Variants in BUB1B observed in about 807,000 individuals in gnomAD.
BUB1B encodes the protein BUB1 mitotic checkpoint serine/threonine kinase B.
A neutral mutation model predicts 137.7 loss-of-function variants in BUB1B; 86 were observed. The ratio of observed to expected loss-of-function variants is 0.62; its 90% CI spans 0.52 to 0.75. BUB1B has a LOEUF of 0.75. Among genes scored for constraint, BUB1B ranks in the 30% least tolerant of loss-of-function variants. The probability of loss-of-function intolerance (pLI) is 0.00; values close to 1 mark genes in which losing one functional copy is unlikely to be tolerated. For synonymous variants in BUB1B, 420 were observed against 417.9 expected, an observed-to-expected ratio of 1.00 and a Z score of -0.06; for missense variants, 1,130 against 1,236.9, an observed-to-expected ratio of 0.91 and a Z score of 1.30.
At chr15:40,205,839 T>C (rs1366845979) in intron 14 of BUB1B, among the ~76,000 whole-genome samples, 1 of 152,188 alleles carries the variant, frequency 6.6e-6, no homozygotes, top group African/African-American at 2.4e-5. Flanking sequence ...GTATGTAGCA[T>C]AGAGGAAGAA....
At position 40,161,220 on chromosome 15, in the gene BUB1B, G is replaced by A. The variant is rs1326000537; in HGVS notation, c.-1G>A. 1 of 1,613,574 alleles carries A rather than the reference G, an allele frequency of 6.2e-7. No individual in the cohort carries two copies. ...ACGAGGACCTGAGCCAGGAATGCAGGATGGCGGCGGTGAAGAAGGAAGGGG... is the reference window on the plus strand; with the variant it reads ...ACGAGGACCTGAGCCAGGAATGCAGAATGGCGGCGGTGAAGAAGGAAGGGG... On this transcript the variant is annotated 5_prime_UTR_variant, in exon 1 of 23. Transcript: ENST00000287598.
rs777968728 is a variant in BUB1B, at chr15:40,202,427, T to C, written c.1590T>C (p.Ile530=). 4 of 1,611,982 alleles carry C rather than the reference T, an allele frequency of 2.5e-6. No individual in the cohort carries two copies. Among genetic ancestry groups the C allele is most frequent in the Non-Finnish European group, 3.4e-6 (4 of 1,179,354 alleles). Residue 530 remains isoleucine (I), a synonymous_variant, in exon 13 of 23, where the codon ATT becomes ATC. Transcript: ENST00000287598. ...HSKGPSVPFS[I]FDEFLLSEKK... Reference sequence around the variant, plus strand: ...TAGGTCCCAGTGTACCTTTCTCCATTTTTGATGAGTTTCTTCTTTCAGAAA... The same window carrying C: ...TAGGTCCCAGTGTACCTTTCTCCATCTTTGATGAGTTTCTTCTTTCAGAAA...
intron 15 of BUB1B, among the ~76,000 whole-genome samples, chr15:40,207,822 A>G (rs2037655898): frequency 6.6e-6 from 1 of 151,836 alleles, no homozygotes; most frequent in African/African-American, 2.4e-5. Context: ...GGATCACTTG[A>G]GGCCAGGAGT....
At chr15:40,191,851 C>A (rs2037441991) in intron 8 of BUB1B, among the ~76,000 whole-genome samples, 1 of 151,456 alleles carries the variant, frequency 6.6e-6, no homozygotes, top group Non-Finnish European at 1.5e-5. Flanking sequence ...TATGTCAATA[C>A]CACACAGTCT....
intron 1 of BUB1B, 145 bp downstream of exon 1, chr15:40,161,400 A>G (rs1393562603): frequency 5.5e-5 from 54 of 978,954 alleles, no homozygotes; most frequent in Non-Finnish European, 7.6e-5. Context: ...TTGGAGTAGA[A>G]TGCCGGAGGT....
At chr15:40,186,689 C>T (rs1476713915) in intron 8 of BUB1B, among the ~76,000 whole-genome samples, 1 of 151,424 alleles carries the variant, frequency 6.6e-6, no homozygotes, top group Non-Finnish European at 1.5e-5. Flanking sequence ...TAGTGATCCG[C>T]CCGCCTTGGC....
rs2140908215 is a variant in BUB1B at position 40,213,444 on chromosome 15, T to C, written c.2648T>C (p.Leu883Ser). 2 of 1,614,210 alleles carry C rather than the reference T, an allele frequency of 1.2e-6. No individual in the cohort carries two copies. The highest frequency in any genetic ancestry group is 1.7e-6 in the Non-Finnish European group (2 of 1,180,034). The change falls in exon 20 of 23, where the codon TTG (leucine) becomes TCG (serine). Residue 883 changes from leucine to serine, a missense_variant. Leu to Ser is a moderately radical substitution (Grantham distance 145). Coordinates refer to ENST00000287598, the MANE Select transcript of BUB1B (RefSeq NM_001211.6). ...LHKAEIVHGD[L>S]SPRCLILRNR... ...AAAGCAGAAATAGTCCATGGTGACTTGAGTCCAAGGTGTCTGATTCTCAGA... is the reference window on the plus strand; with the variant it reads ...AAAGCAGAAATAGTCCATGGTGACTCGAGTCCAAGGTGTCTGATTCTCAGA...
chr15:40,185,510 C>T, intron 7 of BUB1B, 41 bp from the exon 8 acceptor site: 1 of 1,600,646 alleles, frequency 6.2e-7, no homozygotes, highest in Non-Finnish European at 8.6e-7. Flanking sequence ...TGTCTGAGAA[C>T]ATAAAACTAT....
At chr15:40,207,631 T>G (rs1033209022) in intron 15 of BUB1B, among the ~76,000 whole-genome samples, 1 of 152,148 alleles carries the variant, frequency 6.6e-6, no homozygotes, top group Admixed American at 6.6e-5. Context: ...AGAGTAGATA[T>G]TTACTATAGG....
intron 15 of BUB1B, among the ~76,000 whole-genome samples, chr15:40,208,197 A>G (rs527265140): frequency 2.0e-5 from 3 of 152,260 alleles, no homozygotes; most frequent in South Asian, 4.1e-4. Context: ...ATTTAAACCT[A>G]AATTTTATTG....
chr15:40,191,761 G>T (rs993259293), intron 8 of BUB1B, among the ~76,000 whole-genome samples: 1 of 152,136 alleles, frequency 6.6e-6, no homozygotes. Context: ...TGGCACTCTT[G>T]TTGAAATATC....
intron 6 of BUB1B, 124 bp from the exon 7 acceptor site, chr15:40,185,041 C>CTTTTTTTTTTTTTTTTTTTTTTTTTTTTT: frequency 1.7e-6 from 1 of 599,128 alleles, no homozygotes; most frequent in Non-Finnish European, 2.7e-6. Context: ...TTTAAAATTT[C>CTTTTTTTTTTTTTTTTTTTTTTTTTTTTT]TTTTTTTTTT....
At chr15:40,161,585 T>A (rs2037043429) in intron 1 of BUB1B, among the ~76,000 whole-genome samples, 1 of 152,212 alleles carries the variant, frequency 6.6e-6, no homozygotes, top group Admixed American at 6.5e-5. Context: ...ATCGTTTGTA[T>A]GGAAAATGCT....
chr15:40,167,722 A>C (rs577442770), intron 2 of BUB1B, among the ~76,000 whole-genome samples: 2 of 151,274 alleles, frequency 1.3e-5, no homozygotes, highest in African/African-American at 4.8e-5. Context: ...TGGAGTAAAC[A>C]AGTTTTTTTC....
At chr15:40,210,587 G>T (rs2037698518) in intron 18 of BUB1B, among the ~76,000 whole-genome samples, 1 of 152,120 alleles carries the variant, frequency 6.6e-6, no homozygotes, top group Non-Finnish European at 1.5e-5. Flanking sequence ...ACGGCTCACT[G>T]CAGCCTCAAC....
Position 40,161,287 on chromosome 15 carries a change from G to A in BUB1B, c.35+32G>A, listed in dbSNP as rs774256607. The A allele has an allele frequency of 1.9e-6, 3 of 1,605,792 alleles. No homozygotes were observed. The East Asian group carries it at 6.7e-5, about 36-fold the overall frequency. ...ACGGGAGAAAGCTGCTGGGGGCTGG[G>A]CCTGAGAGGACACGGCCTGGTAGGT... On this transcript the variant is annotated intron_variant, in intron 1 of 22. Transcript: ENST00000287598.
intron 4 of BUB1B, among the ~76,000 whole-genome samples, chr15:40,174,479 G>C (rs546902206): frequency 2.0e-4 from 31 of 152,316 alleles, no homozygotes; most frequent in African/African-American, 7.0e-4. Flanking sequence ...GTAGAGCTTA[G>C]TTTATCTGAA....
At chr15:40,165,280 CATA>C in intron 2 of BUB1B, 84 bp downstream of exon 2, 4 of 1,576,368 alleles carry the variant, frequency 2.5e-6, no homozygotes, top group East Asian at 2.2e-5. Flanking sequence ...TGAGAGATGG[CATA>C]ATGAGTACTT....
chr15:40,206,579 C>T (rs2037640214), intron 15 of BUB1B, 121 bp downstream of exon 15: 1 of 1,272,540 alleles, frequency 7.9e-7, no homozygotes, highest in Admixed American at 1.9e-5. Context: ...GTGCTAAGTG[C>T]TTTACATGAG....
Sources: gnomAD v4.1 joint callset for allele counts (sites outside exome capture counted in the v4.1 genomes callset) on GRCh38, gnomAD v4.1.1 for gene constraint, MANE v1.5 for transcripts, NCBI Gene and HGNC (gene_info 2026-07-23, HGNC 2026-07-21) for gene names.